Variants in DPP6 observed in about 807,000 individuals in gnomAD.
The protein encoded by DPP6 is dipeptidyl peptidase like 6.
A neutral mutation model predicts 122.6 loss-of-function variants in DPP6; 69 were observed. The observed-to-expected ratio is 0.56, with a 90% CI of 0.46 to 0.69. The LOEUF (loss-of-function observed/expected upper bound fraction) is 0.69. Ranked by LOEUF, DPP6 falls within the 30% of genes least tolerant of loss-of-function variation. DPP6 has a pLI of 0.00. For missense variants in DPP6, 928 were observed against 1,116.9 expected (o/e 0.83, Z 2.41); for synonymous variants, 418 against 433.1 (o/e 0.97, Z 0.43).
At chr7:154,691,633 C>T (rs1839935968) in intron 7 of DPP6, among the ~76,000 whole-genome samples, 1 of 152,066 alleles carries the variant, frequency 6.6e-6, no homozygotes, top group Non-Finnish European at 1.5e-5. Context: ...TCCTGGATAA[C>T]ATGGTGAAAC....
At chr7:154,227,866 G>T (rs1415787229) in intron 1 of DPP6, among the ~76,000 whole-genome samples, 1 of 152,168 alleles carries the variant, frequency 6.6e-6, no homozygotes, top group Non-Finnish European at 1.5e-5. Flanking sequence ...GTCAGGAATT[G>T]CCCTATGCCT....
chr7:154,840,989 C>T (rs1563271069), intron 16 of DPP6, among the ~76,000 whole-genome samples: 1 of 152,144 alleles, frequency 6.6e-6, no homozygotes, highest in Non-Finnish European at 1.5e-5. Flanking sequence ...CAAAGTTGTA[C>T]AAAATAGATT....
chr7:154,301,166 T>C (rs190436844), intron 1 of DPP6, among the ~76,000 whole-genome samples: 19 of 152,280 alleles, frequency 1.2e-4, no homozygotes, highest in African/African-American at 4.6e-4. Context: ...TTGCTGGAGG[T>C]GTGAGGTCAG....
intron 1 of DPP6, among the ~76,000 whole-genome samples, chr7:154,177,549 C>A (rs893112393): frequency 5.3e-5 from 8 of 152,158 alleles, no homozygotes; most frequent in Admixed American, 1.3e-4. Flanking sequence ...GGCCTGAGGC[C>A]CTGACCTGAG....
chr7:154,517,906 A>G (rs1175828193), intron 3 of DPP6, among the ~76,000 whole-genome samples: 1 of 152,208 alleles, frequency 6.6e-6, no homozygotes, highest in African/African-American at 2.4e-5. Context: ...CACCTCCACC[A>G]TTCGGAGAGG....
intron 8 of DPP6, among the ~76,000 whole-genome samples, chr7:154,766,506 C>T (rs1795908510): frequency 6.6e-6 from 1 of 152,052 alleles, no homozygotes; most frequent in Admixed American, 6.5e-5. Flanking sequence ...AGGGTTTCAC[C>T]GTGTTGACCA....
intron 5 of DPP6, among the ~76,000 whole-genome samples, chr7:154,592,428 C>G (rs570723401): frequency 6.6e-6 from 1 of 152,346 alleles, no homozygotes; most frequent in East Asian, 1.9e-4. Context: ...GAACATGCAC[C>G]AGGCGCTCTC....
At chr7:154,079,473 A>G (rs894231364) in intron 1 of DPP6, among the ~76,000 whole-genome samples, 6 of 152,166 alleles carry the variant, frequency 3.9e-5, no homozygotes, top group African/African-American at 1.4e-4. Context: ...CACCCCGAAA[A>G]CCCAAGAATG....
At chr7:153,891,361 C>A (rs1799195943) in intron 1 of DPP6, among the ~76,000 whole-genome samples, 1 of 152,102 alleles carries the variant, frequency 6.6e-6, no homozygotes, top group Non-Finnish European at 1.5e-5. Flanking sequence ...GAGTCTATTT[C>A]ATAAACTTAT....
chr7:154,249,121 A>G (rs1396186308), intron 1 of DPP6, among the ~76,000 whole-genome samples: 2 of 152,320 alleles, frequency 1.3e-5, no homozygotes, highest in South Asian at 2.1e-4. Flanking sequence ...CAATGATTAT[A>G]ATCTGCTTTT....
the DPP6 span, among the ~76,000 whole-genome samples, chr7:153,776,300 G>C: frequency 6.6e-6 from 1 of 152,130 alleles, no homozygotes; most frequent in Non-Finnish European, 1.5e-5. Flanking sequence ...GGACCTCGTG[G>C]GAGGTAATTG....
intron 1 of DPP6, among the ~76,000 whole-genome samples, chr7:153,935,176 C>T (rs749344841): frequency 5.3e-5 from 8 of 151,988 alleles, no homozygotes; most frequent in Admixed American, 2.6e-4. Flanking sequence ...CTGGGCTCTG[C>T]GGGGCAGACA....
intron 6 of DPP6, among the ~76,000 whole-genome samples, chr7:154,648,620 A>G (rs2130979811): frequency 6.6e-6 from 1 of 152,218 alleles, no homozygotes; most frequent in South Asian, 2.1e-4. Flanking sequence ...ATTTACTTCT[A>G]ATAAAAATCA....
intron 1 of DPP6, among the ~76,000 whole-genome samples, chr7:154,420,656 TTAATAA>T (rs1817395908): frequency 6.6e-6 from 1 of 152,154 alleles, no homozygotes; most frequent in African/African-American, 2.4e-5. Flanking sequence ...GTAACTATAG[TTAATAA>T]TAATGTGTAT....
At chr7:154,019,778 C>G (rs1273340910) in intron 1 of DPP6, among the ~76,000 whole-genome samples, 2 of 152,180 alleles carry the variant, frequency 1.3e-5, no homozygotes, top group Non-Finnish European at 2.9e-5. Flanking sequence ...AAAATTAGTT[C>G]TTCTGCACTT....
At chr7:154,225,164 AAAAT>A (rs1241856475) in intron 1 of DPP6, among the ~76,000 whole-genome samples, 1 of 152,116 alleles carries the variant, frequency 6.6e-6, no homozygotes, top group Non-Finnish European at 1.5e-5. Flanking sequence ...TAAGTAAATA[AAAAT>A]AAATAAATAA....
At chr7:154,029,584 C>T (rs1348886172) in intron 1 of DPP6, among the ~76,000 whole-genome samples, 8 of 150,312 alleles carry the variant, frequency 5.3e-5, no homozygotes, top group Non-Finnish European at 8.8e-5. Context: ...TGGTGGCTCA[C>T]GCCTGTAATC....
chr7:154,387,348 C>T (rs1814209506), intron 1 of DPP6, among the ~76,000 whole-genome samples: 2 of 152,116 alleles, frequency 1.3e-5, no homozygotes, highest in Admixed American at 6.5e-5. Flanking sequence ...GAGTCATGTC[C>T]ATAAATTCAA....
At chr7:154,529,220 G>C (rs1827651972) in intron 3 of DPP6, among the ~76,000 whole-genome samples, 1 of 152,136 alleles carries the variant, frequency 6.6e-6, no homozygotes, top group South Asian at 2.1e-4. Flanking sequence ...GGGCAAGTCA[G>C]GAAATAATCC....
Sources: allele counts gnomAD v4.1 joint callset (sites outside exome capture counted in the v4.1 genomes callset), GRCh38; gene constraint gnomAD v4.1.1; transcripts MANE v1.5; gene names NCBI Gene and HGNC (gene_info 2026-07-23, HGNC 2026-07-21).